The following DENND1A variants were observed in gnomAD, a reference collection of about 807,000 sequenced individuals.
DENND1A encodes DENN domain-containing protein 1A.
DENND1A carries 51 observed loss-of-function variants against 113.7 expected under a neutral mutation model. That is an observed-to-expected ratio of 0.45 (90% CI 0.36 to 0.57). The LOEUF (loss-of-function observed/expected upper bound fraction) is 0.57. Ranked by LOEUF, DENND1A falls within the 20% of genes least tolerant of loss-of-function variation. The pLI, the probability that DENND1A is intolerant of heterozygous loss-of-function variation, is 0.00. For missense variants in DENND1A, 1,258 were observed against 1,395.9 expected (o/e 0.90, Z 1.57); for synonymous variants, 565 against 570.8 (o/e 0.99, Z 0.14).
At chr9:123,420,931 G>A (rs2045237806) in intron 19 of DENND1A, among the ~76,000 whole-genome samples, 1 of 151,670 alleles carries the variant, frequency 6.6e-6, no homozygotes, top group Non-Finnish European at 1.5e-5. Context: ...CAGGTGCACA[G>A]TCTGAATAGG....
chr9:123,839,127 G>A (rs1350324469), intron 2 of DENND1A, among the ~76,000 whole-genome samples: 1 of 152,174 alleles, frequency 6.6e-6, no homozygotes, highest in Non-Finnish European at 1.5e-5. Flanking sequence ...GTCTGTTAAC[G>A]GTGGGAAGCC....
intron 10 of DENND1A, among the ~76,000 whole-genome samples, chr9:123,629,545 A>C (rs1458869534): frequency 6.6e-6 from 1 of 152,236 alleles, no homozygotes; most frequent in East Asian, 1.9e-4. Context: ...TTCATATGTT[A>C]TCTTGTTTCA....
chr9:123,566,608 C>G (rs552981488), intron 12 of DENND1A, among the ~76,000 whole-genome samples: 233 of 152,244 alleles, frequency 1.5e-3, no homozygotes, highest in Non-Finnish European at 2.9e-3. Flanking sequence ...AATAAGCTAT[C>G]AAATCCTTAG....
intron 2 of DENND1A, among the ~76,000 whole-genome samples, chr9:123,819,040 T>C (rs1032413965): frequency 1.3e-5 from 2 of 152,198 alleles, no homozygotes; most frequent in Non-Finnish European, 2.9e-5. Context: ...ACACAAGACC[T>C]ACTTAATCCA....
intron 5 of DENND1A, among the ~76,000 whole-genome samples, chr9:123,739,765 A>G (rs1303257429): frequency 6.6e-6 from 1 of 152,142 alleles, no homozygotes; most frequent in Admixed American, 6.5e-5. Context: ...TAGGGGGAAA[A>G]TCTTTAGAAA....
At position 123,701,204 on chromosome 9, in the gene DENND1A, G is replaced by A. The variant is rs111437051; in HGVS notation, c.303-24415C>T. ...AATTGATAGAAGGTAGAGCAAAATG[G>A]CAGAAATGAACTCTCCAGGGATTAT... is the stretch of plus-strand genomic sequence containing the variant. On this transcript the variant is annotated intron_variant, in intron 5 of 23. Coordinates refer to ENST00000394215, the MANE Select transcript of DENND1A (RefSeq NM_001352964.2). Among the ~76,000 whole-genome samples, 567 of 152,198 alleles carry A rather than the reference G, an allele frequency of 3.7e-3. 5 individuals are homozygous for A. Among genetic ancestry groups the A allele is most frequent in the Middle Eastern group, 3.4e-3 (1 of 294 alleles).
rs947529556 is a variant in DENND1A, at chr9:123,382,253, G to A, written c.2392C>T (p.Arg798Trp). ...CGCCTGTCCCGATCCGTCTGCAGCC[G>A]CTCTGAGACGTCACCAAGTGCGGCG... Reference protein sequence around the residue: ...AGAALGDVSERLQTDRDRRAA... With the variant: ...AGAALGDVSEWLQTDRDRRAA... The change falls in exon 24 of 24, where the codon CGG (arginine) becomes TGG (tryptophan). Residue 798 changes from arginine to tryptophan, a missense_variant. Coordinates refer to ENST00000394215, the MANE Select transcript of DENND1A (RefSeq NM_001352964.2). 27 of 1,610,086 alleles carry A rather than the reference G, an allele frequency of 1.7e-5. No homozygotes were observed. Among genetic ancestry groups the A allele is most frequent in the Non-Finnish European group, 2.2e-5 (26 of 1,179,580 alleles).
chr9:123,601,138 T>C (rs1026554148), intron 11 of DENND1A, among the ~76,000 whole-genome samples: 6 of 152,240 alleles, frequency 3.9e-5, no homozygotes, highest in Non-Finnish European at 8.8e-5. Flanking sequence ...CACATTTTTT[T>C]ACTGGGATTC....
chr9:123,870,057 T>G (rs993029794), intron 2 of DENND1A, among the ~76,000 whole-genome samples: 19 of 145,016 alleles, frequency 1.3e-4, no homozygotes, highest in African/African-American at 4.9e-4. Context: ...CTCCATAAGA[T>G]GGATTCACTT....
chr9:123,454,926 G>A, intron 15 of DENND1A, 147 bp from the exon 16 acceptor site: 1 of 699,508 alleles, frequency 1.4e-6, no homozygotes, highest in Non-Finnish European at 2.4e-6. Context: ...CAGCTCCTGG[G>A]TTCAAGCAAT....
At chr9:123,385,138 C>A (rs1012705427) in intron 22 of DENND1A, among the ~76,000 whole-genome samples, 28 of 152,130 alleles carry the variant, frequency 1.8e-4, no homozygotes, top group African/African-American at 6.3e-4. Flanking sequence ...TCTAGTGGAG[C>A]CCCAGTGGGA....
intron 1 of DENND1A, among the ~76,000 whole-genome samples, chr9:123,915,174 G>T (rs1476477135): frequency 6.6e-6 from 1 of 152,060 alleles, no homozygotes; most frequent in Non-Finnish European, 1.5e-5. Context: ...ATCCATATAT[G>T]ATGCCAAAGA....
At chr9:123,856,954 G>A (rs9696009) in intron 2 of DENND1A, among the ~76,000 whole-genome samples, 25,514 of 151,866 alleles carry the variant, frequency 0.17, 4,080 homozygotes, top group African/African-American at 0.42. Flanking sequence ...GAATGAATCG[G>A]TGGTATTGGT....
chr9:123,922,008 G>A (rs769282853), intron 1 of DENND1A, among the ~76,000 whole-genome samples: 6 of 150,374 alleles, frequency 4.0e-5, no homozygotes, highest in Admixed American at 1.3e-4. Context: ...TGCAACCTCC[G>A]TCTCCTGAGC....
chr9:123,899,315 G>A (rs1309783737), intron 1 of DENND1A, among the ~76,000 whole-genome samples: 1 of 152,064 alleles, frequency 6.6e-6, no homozygotes, highest in Non-Finnish European at 1.5e-5. Flanking sequence ...TGTCTATGAA[G>A]GGTATTATGA....
At chr9:123,800,214 C>A (rs548776742) in intron 2 of DENND1A, among the ~76,000 whole-genome samples, 1 of 152,304 alleles carries the variant, frequency 6.6e-6, no homozygotes, top group African/African-American at 2.4e-5. Flanking sequence ...TTTACAGAAA[C>A]CCTGAGGTGA....
chr9:123,381,994 G>T lies in DENND1A; in HGVS notation c.2651C>A (p.Pro884His), dbSNP rs2130842073. ...GAGTGGTGGCTGTGGGAATGGGGTG[G>T]GTGTCCCTGCAGGGGGGAAGCTGAA... ...PQFSFPPAGT[P>H]TPFPQPPLNP... Residue 884 changes from proline to histidine, a missense_variant, in exon 24 of 24, where the codon CCC becomes CAC. Transcript: ENST00000394215. This position sits in a 1 kb window ranked among gnomAD's most constrained non-coding sequence, Gnocchi z 4.7. 1 of 1,479,996 alleles carries T rather than the reference G, an allele frequency of 6.8e-7. No homozygotes were observed. The highest frequency in any genetic ancestry group is 1.4e-5 in the South Asian group (1 of 70,136). 91.7% of individuals were successfully genotyped at this position (1,479,996 alleles called of 1,614,324 possible).
intron 1 of DENND1A, among the ~76,000 whole-genome samples, chr9:123,916,073 C>T (rs920001437): frequency 6.6e-6 from 1 of 151,948 alleles, no homozygotes; most frequent in Non-Finnish European, 1.5e-5. Flanking sequence ...CAAAAAGGTG[C>T]ATACACAAGA....
chr9:123,486,497 A>G (rs1189101241), intron 13 of DENND1A, among the ~76,000 whole-genome samples: 3 of 151,700 alleles, frequency 2.0e-5, no homozygotes, highest in Non-Finnish European at 4.4e-5. Flanking sequence ...CCAGGAAGGA[A>G]GCAGCTGGCT....
Sources: gnomAD v4.1 joint callset for allele counts (sites outside exome capture counted in the v4.1 genomes callset) on GRCh38, gnomAD v4.1.1 for gene constraint, Gnocchi (gnomAD v3.1) non-coding constraint, MANE v1.5 for transcripts, NCBI Gene and HGNC (gene_info 2026-07-23, HGNC 2026-07-21) for gene names.